RGS13: variants seen among roughly 807,000 people sequenced by gnomAD.
RGS13 encodes the protein regulator of G protein signaling 13, also known as regulator of G-protein signalling 13.
Under a neutral mutation model 19.9 loss-of-function variants are expected in RGS13, and 14 were observed. The ratio of observed to expected loss-of-function variants is 0.70; its 90% CI spans 0.46 to 1.10. RGS13 has a LOEUF of 1.10. Among genes scored for constraint, RGS13 ranks in the 50% least tolerant of loss-of-function variants. RGS13 has a pLI of 0.00. For synonymous variants in RGS13, 60 were observed against 56.8 expected (o/e 1.06, Z -0.25); for missense variants, 205 against 187.1 (o/e 1.10, Z -0.56).
chr1:192,651,454 G>C (rs576443554), intron 5 of RGS13, among the ~76,000 whole-genome samples: 1 of 146,138 alleles, frequency 6.8e-6, no homozygotes, highest in African/African-American at 2.8e-5. Context: ...CCGAAAGTTT[G>C]AGTCAATAGT....
intron 5 of RGS13, among the ~76,000 whole-genome samples, chr1:192,653,455 T>G (rs1663380190): frequency 1.3e-5 from 2 of 152,060 alleles, no homozygotes; most frequent in Non-Finnish European, 2.9e-5. Flanking sequence ...ATCTTCAATC[T>G]AAAAATTCTA....
In RGS13 at chr1:192,640,001, C is replaced by T. The variant is rs117633373; in HGVS notation, c.-5+1798C>T. Among the ~76,000 whole-genome samples, 1,164 of 152,140 alleles carry T rather than the reference C, an allele frequency of 7.7e-3. 45 individuals are homozygous for T. Among genetic ancestry groups the T allele is most frequent in the Admixed American group, 0.061 (925 of 15,264 alleles). ...CACATTTGAGTTACAGAAATCACCA[C>T]AATAAAAGGTCTGAAAATGTGTACA... On this transcript the variant is annotated intron_variant, in intron 3 of 6. Transcript: ENST00000391995.
intron 3 of RGS13, among the ~76,000 whole-genome samples, chr1:192,639,422 G>C (rs975309882): frequency 6.6e-6 from 1 of 152,048 alleles, no homozygotes; most frequent in Non-Finnish European, 1.5e-5. Context: ...TAATTCTAAA[G>C]CTGGGACTCA....
chr1:192,650,683 C>A (rs553978310), intron 5 of RGS13, among the ~76,000 whole-genome samples: 2 of 151,806 alleles, frequency 1.3e-5, no homozygotes, highest in Non-Finnish European at 2.9e-5. Flanking sequence ...AAAAGGGGAT[C>A]CAAGAAAACC....
At chr1:192,645,527 T>G (rs187497591) in intron 4 of RGS13, 339 of 152,260 alleles carry the variant, frequency 2.2e-3, no homozygotes, top group African/African-American at 7.9e-3. Flanking sequence ...GATTAGAACC[T>G]AGGACTGTCA....
At chr1:192,658,420 T>G in intron 6 of RGS13, 53 bp downstream of exon 6, 1 of 1,525,712 alleles carries the variant, frequency 6.6e-7, no homozygotes, top group South Asian at 1.2e-5. Context: ...TGCAAGGGCA[T>G]TAATATCTGT....
intron 4 of RGS13, chr1:192,644,874 ATGC>A (rs1663188037): frequency 6.5e-6 from 1 of 153,014 alleles, no homozygotes; most frequent in Non-Finnish European, 1.5e-5. Flanking sequence ...GAAAAGAATA[ATGC>A]CTGAGAAAAG....
intron 5 of RGS13, among the ~76,000 whole-genome samples, chr1:192,649,462 C>G (rs547157027): frequency 6.6e-6 from 1 of 152,082 alleles, no homozygotes; most frequent in Non-Finnish European, 1.5e-5. Flanking sequence ...AGGTGAGATA[C>G]AAAACATCTA....
At chr1:192,659,250 A>G in intron 6 of RGS13, 88 bp from the exon 7 acceptor site, 1 of 831,152 alleles carries the variant, frequency 1.2e-6, no homozygotes, top group South Asian at 2.2e-5. Flanking sequence ...TGAAAAGGAG[A>G]GCAGAGAATA....
intron 4 of RGS13, chr1:192,647,554 C>T (rs1173360291): frequency 6.5e-6 from 1 of 153,360 alleles, no homozygotes; most frequent in Non-Finnish European, 1.4e-5. Flanking sequence ...AGTATAAACA[C>T]ACATAGTGTG....
rs61741287 is a variant in RGS13 at position 192,644,345 on chromosome 1, G to A, written c.11G>A (p.Arg4Gln). 7,163 of 1,609,754 alleles carry A rather than the reference G, an allele frequency of 4.4e-3. 290 individuals are homozygous for A. In the Admixed American group the frequency reaches 0.084, roughly 19 times the overall value. The change falls in exon 4 of 7, where the codon CGG becomes CAG. Residue 4 changes from arginine (R) to glutamine (Q), a missense_variant. By Grantham distance (43) the Arg-to-Gln change is conservative. Coordinates refer to ENST00000391995, the MANE Select transcript of RGS13 (RefSeq NM_002927.5). ...TATTTCCTTAGAAAAATGAGCAGGC[G>A]GAATTGTTGGATTTGTAAGATGTGC... MSR[R>Q]NCWICKMCRD...
At position 192,659,686 on chromosome 1, in the gene RGS13, G is replaced by A; in HGVS notation, c.*163G>A. 1.7e-6 allele frequency: 1 copy of A among 585,484 alleles called. No homozygotes were observed. 36.3% of individuals were successfully genotyped at this position (585,484 alleles called of 1,614,324 possible). ...AAAGAAACATATTTCAAAAGCAATG[G>A]AATCTAGAATTCTTATAACATGAAT... On this transcript the variant is annotated 3_prime_UTR_variant, in exon 7 of 7. Transcript: ENST00000391995.
chr1:192,636,792 A>AT (rs1234955116), intron 1 of RGS13, among the ~76,000 whole-genome samples: 1 of 151,818 alleles, frequency 6.6e-6, no homozygotes, highest in African/African-American at 2.4e-5. Flanking sequence ...ATTTTGTAGA[A>AT]TTTTTTTATT....
At chr1:192,640,010 G>T (rs561605271) in intron 3 of RGS13, among the ~76,000 whole-genome samples, 164 of 152,122 alleles carry the variant, frequency 1.1e-3, no homozygotes, top group Non-Finnish European at 1.8e-3. Flanking sequence ...ACAATAAAAG[G>T]TCTGAAAATG....
At position 192,658,135 on chromosome 1, in the gene RGS13, G is replaced by A. The variant is rs181194012; in HGVS notation, c.128-66G>A. Reference sequence around the variant, plus strand: ...TTTTTAATCAGGCTTTTTTTTAACTGTATTGCTTAGATTTTTTTGGTGATT... The same window carrying A: ...TTTTTAATCAGGCTTTTTTTTAACTATATTGCTTAGATTTTTTTGGTGATT... On this transcript the variant is annotated intron_variant, in intron 5 of 6. Coordinates refer to ENST00000391995, the MANE Select transcript of RGS13 (RefSeq NM_002927.5). The A allele has an allele frequency of 2.1e-3, 2,449 of 1,182,534 alleles. 7 individuals are homozygous for A. The highest frequency in any genetic ancestry group is 2.7e-3 in the Non-Finnish European group (2,267 of 827,568). 73.3% of individuals were successfully genotyped at this position (1,182,534 alleles called of 1,614,324 possible). A position where few individuals can be genotyped will look rare whatever the true frequency, so the allele number is the denominator to read the frequency against.
At chr1:192,651,466 G>GT (rs1663334998) in intron 5 of RGS13, among the ~76,000 whole-genome samples, 2 of 139,896 alleles carry the variant, frequency 1.4e-5, no homozygotes, top group Admixed American at 1.4e-4. Flanking sequence ...GTCAATAGTT[G>GT]TTACTAGTTA....
At chr1:192,653,739 A>G (rs921677005) in intron 5 of RGS13, among the ~76,000 whole-genome samples, 1 of 152,148 alleles carries the variant, frequency 6.6e-6, no homozygotes, top group Non-Finnish European at 1.5e-5. Context: ...GGATCATTCC[A>G]GTGTGTATCT....
chr1:192,654,906 T>A (rs1490927601), intron 5 of RGS13, among the ~76,000 whole-genome samples: 1 of 151,990 alleles, frequency 6.6e-6, no homozygotes, highest in Non-Finnish European at 1.5e-5. Flanking sequence ...ATTTCTTCCA[T>A]CCTCCCAATT....
chr1:192,641,254 A>G (rs28535823), intron 3 of RGS13, among the ~76,000 whole-genome samples: 3,632 of 67,014 alleles, frequency 0.054, 88 homozygotes, highest in Middle Eastern at 0.099. Flanking sequence ...GAAAAGAAAG[A>G]AAAGAAAGAA....
Sources: gnomAD v4.1 joint callset for allele counts (sites outside exome capture counted in the v4.1 genomes callset) on GRCh38, gnomAD v4.1.1 for gene constraint, MANE v1.5 for transcripts, NCBI Gene and HGNC (gene_info 2026-07-23, HGNC 2026-07-21) for gene names.